The following TPM3 variants were observed in gnomAD, a reference collection of about 807,000 sequenced individuals.
TPM3 encodes tropomyosin 3, also known as tropomyosin alpha-3 chain.
In TPM3, 16 loss-of-function variants were observed where a neutral mutation model predicts 43.1. The observed-to-expected ratio is 0.37, with a 90% CI of 0.25 to 0.56. The LOEUF (loss-of-function observed/expected upper bound fraction) is 0.56, where lower values mean the gene tolerates loss of function less well. Among genes scored for constraint, TPM3 ranks in the 20% least tolerant of loss-of-function variants. The probability of loss-of-function intolerance (pLI) is 0.77; values close to 1 mark genes in which losing one functional copy is unlikely to be tolerated. For missense variants in TPM3, 176 were observed against 337.2 expected (o/e 0.52, Z 3.74); for synonymous variants, 101 against 116.9 (o/e 0.86, Z 0.88).
chr1:154,179,533 CTTTT>C (rs551997569), intron 2 of TPM3, among the ~76,000 whole-genome samples: 2 of 150,318 alleles, frequency 1.3e-5, no homozygotes, highest in African/African-American at 4.9e-5. Context: ...TTTGTTATTA[CTTTT>C]TTTTTTCTTT....
At chr1:154,155,310 TA>T (rs142425265), downstream of TPM3, 3,374 of 463,238 alleles carry the variant, frequency 7.3e-3, 92 homozygotes, top group African/African-American at 0.061. Flanking sequence ...CAGAAAAGTC[TA>T]AAAAAAACCC....
At chr1:154,176,532 G>C (rs371845861) in intron 2 of TPM3, among the ~76,000 whole-genome samples, 2 of 151,262 alleles carry the variant, frequency 1.3e-5, no homozygotes, top group East Asian at 3.9e-4. Flanking sequence ...CCTGGACTCA[G>C]TTCAAATTCC....
chr1:154,157,938 T>TA (rs1659976177), downstream of TPM3, among the ~76,000 whole-genome samples: 1 of 152,056 alleles, frequency 6.6e-6, no homozygotes, highest in Non-Finnish European at 1.5e-5. Context: ...GTGAGGGAGT[T>TA]AGGGCCCTTA....
downstream of TPM3, chr1:154,155,915 A>G (rs2148177611): frequency 5.0e-6 from 1 of 200,286 alleles, no homozygotes; most frequent in Non-Finnish European, 1.0e-5. Context: ...TGATAAAACT[A>G]AACATTTGCT....
intron 3 of TPM3, 120 bp downstream of exon 3, chr1:154,175,995 C>T: frequency 6.6e-7 from 1 of 1,510,418 alleles, no homozygotes; most frequent in Non-Finnish European, 9.1e-7. Context: ...GCTGGGATTA[C>T]AGGCGTGAGC....
At chr1:154,159,134 T>G, downstream of TPM3, 1 of 744,416 alleles carries the variant, frequency 1.3e-6, no homozygotes, top group South Asian at 1.4e-5. Flanking sequence ...GTTAGTAGAG[T>G]ACCAGAAGTA....
chr1:154,183,272 C>G lies in TPM3; in HGVS notation c.244-7024G>C, dbSNP rs111639139. The G allele has an allele frequency of 3.6e-5, 55 of 1,516,818 alleles. No homozygotes were observed. The African/African-American group carries it at 5.5e-4, about 15-fold the overall frequency. 94.0% of individuals were successfully genotyped at this position (1,516,818 alleles called of 1,614,324 possible). On this transcript the variant is annotated intron_variant, in intron 2 of 9. Coordinates refer to ENST00000651641, the MANE Select transcript of TPM3 (RefSeq NM_152263.4). ...GACGTCCCTCTGCCGCGCCCTCCCACCGCCAGGCAGGCGGGAAGGCAGTCC... is the reference window on the plus strand; with the variant it reads ...GACGTCCCTCTGCCGCGCCCTCCCAGCGCCAGGCAGGCGGGAAGGCAGTCC...
chr1:154,166,431 G>C lies in TPM3; in HGVS notation c.*1506C>G. Reference sequence around the variant, plus strand: ...GGTCACCATACTGATGCCAAATTTAGTGAGGACATCTGACCTGCATAGCAC... The same window carrying C: ...GGTCACCATACTGATGCCAAATTTACTGAGGACATCTGACCTGCATAGCAC... On this transcript the variant is annotated 3_prime_UTR_variant, in exon 10 of 10. Transcript: ENST00000651641. The C allele has an allele frequency of 1.4e-6, 1 of 708,104 alleles. No homozygotes were observed. The highest frequency in any genetic ancestry group is 5.5e-5 in the Admixed American group (1 of 18,074). 43.9% of individuals were successfully genotyped at this position (708,104 alleles called of 1,614,324 possible). A position where few individuals can be genotyped will look rare whatever the true frequency, so the allele number is the denominator to read the frequency against.
rs1461482860 is a variant in TPM3 at position 154,176,046 on chromosome 1, A to G, written c.377+69T>C. The G allele has an allele frequency of 5.0e-6, 8 of 1,608,698 alleles. No homozygotes were observed. The Admixed American group carries it at 8.3e-5, about 17-fold the overall frequency. On this transcript the variant is annotated intron_variant, in intron 3 of 9. Transcript: ENST00000651641. ...GAATTGCTATTTAGAAAACAGGTCTATAAGGAAATCTTGATCAGAACTATT... is the reference window on the plus strand; with the variant it reads ...GAATTGCTATTTAGAAAACAGGTCTGTAAGGAAATCTTGATCAGAACTATT...
intron 2 of TPM3, among the ~76,000 whole-genome samples, chr1:154,184,644 G>T (rs1329033464): frequency 6.6e-6 from 1 of 152,198 alleles, no homozygotes; most frequent in African/African-American, 2.4e-5. Flanking sequence ...GCCGGGCGGG[G>T]TGACTCATGC....
At chr1:154,159,175 A>G, downstream of TPM3, 1 of 684,834 alleles carries the variant, frequency 1.5e-6, no homozygotes, top group Non-Finnish European at 2.7e-6. Flanking sequence ...GCTGGTATAT[A>G]TAACATGCAT....
In TPM3 at chr1:154,165,344, T is replaced by C. The variant is rs1296706333; in HGVS notation, c.*2593A>G. 6.6e-6 allele frequency among the ~76,000 whole-genome samples: 1 copy of C among 152,058 alleles called. No homozygotes were observed. The highest frequency in any genetic ancestry group is 1.5e-5 in the Non-Finnish European group (1 of 68,014). Reference sequence around the variant, plus strand: ...TTGCAGTGAGCCATGATCTCACCACTGCACTCCATCCAGCCTGGGTGACAG... The same window carrying C: ...TTGCAGTGAGCCATGATCTCACCACCGCACTCCATCCAGCCTGGGTGACAG... On this transcript the variant is annotated 3_prime_UTR_variant, in exon 10 of 10. Transcript: ENST00000651641.
At position 154,165,296 on chromosome 1, in the gene TPM3, C is replaced by T. The variant is rs1271867056; in HGVS notation, c.*2641G>A. On this transcript the variant is annotated 3_prime_UTR_variant, in exon 10 of 10. Transcript: ENST00000651641. ...CCTCGGGAAGCTGAGACAGGAGAAT[C>T]GCTTGAACTCAAGAAGCAGAGGTTG... Among the ~76,000 whole-genome samples, 1 of 152,082 alleles carries T rather than the reference C, an allele frequency of 6.6e-6. No homozygotes were observed. The highest frequency in any genetic ancestry group is 1.5e-5 in the Non-Finnish European group (1 of 68,012).
At chr1:154,180,238 G>A (rs1254343851) in intron 2 of TPM3, among the ~76,000 whole-genome samples, 3 of 152,166 alleles carry the variant, frequency 2.0e-5, no homozygotes, top group Non-Finnish European at 4.4e-5. Flanking sequence ...GGGTGGCTTG[G>A]ATGTTCACAC....
intron 3 of TPM3, among the ~76,000 whole-genome samples, chr1:154,174,210 G>A (rs1358934145): frequency 6.7e-6 from 1 of 150,010 alleles, no homozygotes; most frequent in Non-Finnish European, 1.5e-5. Context: ...GCAGGCGCCT[G>A]TAATCCCAGC....
At chr1:154,174,368 G>GTATATATATATATA (rs34224787) in intron 3 of TPM3, among the ~76,000 whole-genome samples, 47 of 46,366 alleles carry the variant, frequency 1.0e-3, no homozygotes, top group Non-Finnish European at 1.2e-3. Flanking sequence ...AAATATATGT[G>GTATATATATATATA]TATATATATA....
intron 5 of TPM3, chr1:154,171,803 T>C (rs562533176): frequency 3.1e-6 from 2 of 642,002 alleles, no homozygotes; most frequent in East Asian, 5.4e-5. Flanking sequence ...ACCCAAACAG[T>C]CCCCCAAATC....
chr1:154,172,197 G>GAA, intron 5 of TPM3: 16 of 1,152,028 alleles, frequency 1.4e-5, no homozygotes, highest in Non-Finnish European at 1.7e-5. Context: ...GCAGCAAAAC[G>GAA]AAAAAAAAAA....
At chr1:154,174,193 C>T (rs1182936753) in intron 3 of TPM3, among the ~76,000 whole-genome samples, 3 of 149,506 alleles carry the variant, frequency 2.0e-5, no homozygotes, top group Non-Finnish European at 4.4e-5. Context: ...ATTAGTCAGG[C>T]GTGGTGGCAG....
Sources: allele counts gnomAD v4.1 joint callset (sites outside exome capture counted in the v4.1 genomes callset), GRCh38; gene constraint gnomAD v4.1.1; transcripts MANE v1.5; gene names NCBI Gene and HGNC (gene_info 2026-07-23, HGNC 2026-07-21).